The following UBXN7 variants were observed in gnomAD, a reference collection of about 807,000 sequenced individuals.
UBXN7 encodes UBX domain-containing protein 7.
UBXN7 carries 9 observed loss-of-function variants against 58.0 expected under a neutral mutation model. That is an observed-to-expected ratio of 0.16 (90% CI 0.09 to 0.27). The LOEUF (loss-of-function observed/expected upper bound fraction) is 0.27. Ranked by LOEUF, UBXN7 falls within the 10% of genes least tolerant of loss-of-function variation. The pLI is 1.00. For missense variants in UBXN7, 328 were observed against 599.6 expected (o/e 0.55, Z 4.73); for synonymous variants, 208 against 205.0 (o/e 1.01, Z -0.12).
intron 3 of UBXN7, among the ~76,000 whole-genome samples, chr3:196,394,470 G>A (rs1203305836): frequency 6.6e-6 from 1 of 151,346 alleles, no homozygotes; most frequent in Non-Finnish European, 1.5e-5. Flanking sequence ...AGGTGTGGTG[G>A]CACGCACCTG....
intron 5 of UBXN7, among the ~76,000 whole-genome samples, chr3:196,385,075 G>A (rs984460856): frequency 2.6e-5 from 4 of 152,072 alleles, no homozygotes; most frequent in Non-Finnish European, 5.9e-5. Flanking sequence ...CTGTACTGCC[G>A]CCATCTCGAC....
At chr3:196,391,078 T>C (rs1297479576) in intron 5 of UBXN7, among the ~76,000 whole-genome samples, 3 of 152,118 alleles carry the variant, frequency 2.0e-5, no homozygotes, top group Non-Finnish European at 4.4e-5. Context: ...TGTTCTCCAA[T>C]TAGAGATATT....
In UBXN7 at chr3:196,367,004, G is replaced by A. The variant is rs140476554; in HGVS notation, c.834+1024C>T. ...TTGAAACCAGCCTGCCCAACAAGGC[G>A]AAACCCCATCTCTACTAAAACTACA... On this transcript the variant is annotated intron_variant, in intron 8 of 10. Transcript: ENST00000296328. Among the ~76,000 whole-genome samples the A allele has an allele frequency of 9.9e-3, 1,511 of 152,146 alleles. 29 individuals are homozygous for A. The highest frequency in any genetic ancestry group is 0.035 in the African/African-American group (1,439 of 41,500).
chr3:196,404,508 C>G (rs969122808), intron 2 of UBXN7, among the ~76,000 whole-genome samples: 2 of 151,940 alleles, frequency 1.3e-5, no homozygotes, highest in Non-Finnish European at 2.9e-5. Context: ...GTGATCCGCC[C>G]ACCTCGGCCT....
chr3:196,367,189 A>C (rs199594358), intron 8 of UBXN7, among the ~76,000 whole-genome samples: 1 of 137,246 alleles, frequency 7.3e-6, no homozygotes, highest in Non-Finnish European at 1.6e-5. Flanking sequence ...GCTCAAAAAA[A>C]GGAAAAAAAA....
Position 196,352,037 on chromosome 3 carries a change from A to AAGTT in UBXN7, c.*4644_*4647dup. 6.6e-6 allele frequency: 1 copy of AAGTT among 152,334 alleles called. No individual in the cohort carries two copies. The highest frequency in any genetic ancestry group is 2.1e-4 in the South Asian group (1 of 4,824). The allele number at this position is 152,334 out of a possible 1,614,324, so 9.4% of individuals were successfully genotyped here. The stretch of plus-strand genomic sequence containing the variant: ...GCAGAACTTCATGCCCCAAATCTAG[A>AAGTT]AGTTACAAAAGGTGGAGCTAAAGAA... On this transcript the variant is annotated 3_prime_UTR_variant, in exon 11 of 11. Transcript: ENST00000296328. The surrounding 1 kb of genome is among the most constrained non-coding windows in gnomAD (Gnocchi z 4.1).
intron 5 of UBXN7, among the ~76,000 whole-genome samples, chr3:196,384,674 A>C (rs1020339029): frequency 4.6e-5 from 7 of 152,196 alleles, no homozygotes; most frequent in African/African-American, 1.4e-4. Flanking sequence ...ATAATCCATC[A>C]TATCAACAGA....
intron 3 of UBXN7, among the ~76,000 whole-genome samples, chr3:196,401,298 TACACACAC>T (rs71630187): frequency 7.0e-4 from 43 of 61,670 alleles, no homozygotes; most frequent in Non-Finnish European, 7.4e-4. Context: ...TATATATATA[TACACACAC>T]ACACACACAC....
intron 1 of UBXN7, among the ~76,000 whole-genome samples, chr3:196,425,887 T>G (rs1006131655): frequency 2.1e-4 from 32 of 152,138 alleles, no homozygotes; most frequent in Admixed American, 1.6e-3. Context: ...CAGTATTAGC[T>G]CCTTACCATT....
intron 5 of UBXN7, among the ~76,000 whole-genome samples, chr3:196,388,668 A>G (rs975141719): frequency 6.6e-6 from 1 of 152,178 alleles, no homozygotes; most frequent in Non-Finnish European, 1.5e-5. Flanking sequence ...CTAGCTTCTA[A>G]GCCTGTAAAA....
chr3:196,374,895 GA>G (rs1728949459), intron 5 of UBXN7, among the ~76,000 whole-genome samples: 1 of 8,940 alleles, frequency 1.1e-4, no homozygotes, highest in Non-Finnish European at 2.7e-4. Context: ...AGGGGGAGGG[GA>G]GGGGGGGAGG....
intron 3 of UBXN7, among the ~76,000 whole-genome samples, chr3:196,399,435 T>C (rs1026663281): frequency 4.6e-5 from 7 of 151,692 alleles, no homozygotes; most frequent in Non-Finnish European, 8.8e-5. Flanking sequence ...ACTGCAACTG[T>C]CCTATTTATG....
Position 196,365,609 on chromosome 3 carries a change from G to T in UBXN7, c.834+2419C>A, listed in dbSNP as rs369810768. ...AAACTACTAAGCCTCTGGCCAGACA[G>T]TCGGGGGAAAAAAGGGAAGCCACAA... is the stretch of plus-strand genomic sequence containing the variant. On this transcript the variant is annotated intron_variant, in intron 8 of 10. Coordinates refer to ENST00000296328, the MANE Select transcript of UBXN7 (RefSeq NM_015562.2). 3.1e-4 allele frequency among the ~76,000 whole-genome samples: 47 copies of T among 152,184 alleles called. 1 individual carries two copies. In the South Asian group the frequency reaches 9.5e-3, roughly 31 times the overall value.
intron 1 of UBXN7, among the ~76,000 whole-genome samples, chr3:196,417,629 C>T (rs1026283764): frequency 1.4e-4 from 20 of 140,072 alleles, no homozygotes; most frequent in East Asian, 9.0e-4. Flanking sequence ...TTCAGCTGGG[C>T]GTGGTGGCTC....
chr3:196,369,548 C>T (rs1728760685), intron 6 of UBXN7, 37 bp from the exon 7 acceptor site: 1 of 1,523,624 alleles, frequency 6.6e-7, no homozygotes, highest in African/African-American at 1.4e-5. Flanking sequence ...AAGTCAGCCT[C>T]TAAGAAAAGA....
intron 3 of UBXN7, among the ~76,000 whole-genome samples, chr3:196,401,294 T>TACAC (rs1425529093): frequency 1.1e-3 from 92 of 80,574 alleles, no homozygotes; most frequent in Non-Finnish European, 1.5e-3. Flanking sequence ...TATATATATA[T>TACAC]ATATACACAC....
At chr3:196,404,827 A>T (rs761105851) in intron 2 of UBXN7, among the ~76,000 whole-genome samples, 1 of 152,286 alleles carries the variant, frequency 6.6e-6, no homozygotes, top group South Asian at 2.1e-4. Context: ...CGACACATCT[A>T]TAAGAGTAAG....
intron 9 of UBXN7, 45 bp from the exon 10 acceptor site, chr3:196,361,968 T>C (rs780455201): frequency 6.7e-7 from 1 of 1,501,250 alleles, no homozygotes; most frequent in South Asian, 1.2e-5. Context: ...GATACAGGAG[T>C]TTAAGACAGA....
At chr3:196,398,149 G>A (rs1272165825) in intron 3 of UBXN7, among the ~76,000 whole-genome samples, 2 of 152,178 alleles carry the variant, frequency 1.3e-5, no homozygotes, top group African/African-American at 2.4e-5. Context: ...AAGAATGGAT[G>A]CCCCCAGGCA....
Sources: gnomAD v4.1 joint callset for allele counts (sites outside exome capture counted in the v4.1 genomes callset) on GRCh38, gnomAD v4.1.1 for gene constraint, Gnocchi (gnomAD v3.1) non-coding constraint, MANE v1.5 for transcripts, NCBI Gene and HGNC (gene_info 2026-07-23, HGNC 2026-07-21) for gene names.